The following ZC3H12B variants were observed in gnomAD, a reference collection of about 807,000 sequenced individuals.
The protein encoded by ZC3H12B is zinc finger CCCH-type containing 12B.
A neutral mutation model predicts 43.9 loss-of-function variants in ZC3H12B; 7 were observed. The ratio of observed to expected loss-of-function variants is 0.16; its 90% CI spans 0.09 to 0.30. The LOEUF (loss-of-function observed/expected upper bound fraction) is 0.30, where lower values mean the gene tolerates loss of function less well. Among genes scored for constraint, ZC3H12B ranks in the 10% least tolerant of loss-of-function variants. The pLI, the probability that ZC3H12B is intolerant of heterozygous loss-of-function variation, is 1.00. For missense variants in ZC3H12B, 475 were observed against 670.2 expected (o/e 0.71, Z 3.22); for synonymous variants, 222 against 241.7 (o/e 0.92, Z 0.76).
At chrX:65,245,870 C>T in the ZC3H12B span, among the ~76,000 whole-genome samples, 1 of 109,123 alleles carries the variant, frequency 9.2e-6, no homozygotes, top group Non-Finnish European at 1.9e-5. Flanking sequence ...GACATGTATA[C>T]ATATGTAACA....
the ZC3H12B span, among the ~76,000 whole-genome samples, chrX:65,172,678 G>C: frequency 8.9e-6 from 1 of 112,133 alleles, no homozygotes; most frequent in African/African-American, 3.2e-5. Context: ...TTATTACATA[G>C]GGAATCCTTT....
chrX:65,106,010 T>C, the ZC3H12B span, among the ~76,000 whole-genome samples: 2 of 112,223 alleles, frequency 1.8e-5, no homozygotes, highest in South Asian at 7.4e-4. Flanking sequence ...CTGTTTTATT[T>C]TTTAAAACAA....
intron 1 of ZC3H12B, among the ~76,000 whole-genome samples, chrX:65,367,287 A>G (rs771478923): frequency 9.8e-5 from 11 of 111,857 alleles, no homozygotes; most frequent in African/African-American, 2.9e-4. Flanking sequence ...GCTGCAAATA[A>G]CATGTTTGCT....
At chrX:65,379,603 C>G (rs1244628337) in intron 2 of ZC3H12B, among the ~76,000 whole-genome samples, 1 of 112,592 alleles carries the variant, frequency 8.9e-6, no homozygotes, top group Non-Finnish European at 1.9e-5. Flanking sequence ...CAAAGCTGGA[C>G]AGAGAATGAC....
At chrX:65,243,959 C>T in the ZC3H12B span, among the ~76,000 whole-genome samples, 1 of 111,205 alleles carries the variant, frequency 9.0e-6, no homozygotes, top group Non-Finnish European at 1.9e-5. Context: ...ATGATGCCTA[C>T]CATAGGCTGG....
At chrX:65,152,048 C>G in the ZC3H12B span, among the ~76,000 whole-genome samples, 4 of 111,814 alleles carry the variant, frequency 3.6e-5, no homozygotes, top group African/African-American at 9.8e-5. Context: ...ATGCTAAAAA[C>G]TCTCAATAAA....
At chrX:65,331,341 A>C in the ZC3H12B span, 1 of 111,935 alleles carries the variant, frequency 8.9e-6, no homozygotes, top group African/African-American at 3.3e-5. Context: ...ATTTTCAACA[A>C]GGATGAAATT....
intron 2 of ZC3H12B, among the ~76,000 whole-genome samples, chrX:65,385,113 G>T (rs2066503049): frequency 8.9e-6 from 1 of 112,194 alleles, no homozygotes; most frequent in South Asian, 3.7e-4. Context: ...TTTGGATTAG[G>T]ATTGTCTTGG....
chrX:65,201,568 TA>T, the ZC3H12B span, among the ~76,000 whole-genome samples: 2 of 110,840 alleles, frequency 1.8e-5, no homozygotes. Context: ...TGATCTTGGT[TA>T]TTTTTTTGTC....
At chrX:65,427,189 T>C (rs1163631967) in intron 3 of ZC3H12B, among the ~76,000 whole-genome samples, 4 of 111,959 alleles carry the variant, frequency 3.6e-5, no homozygotes, top group African/African-American at 1.3e-4. Context: ...TCTTGTTGAA[T>C]TGAACTCTTT....
At chrX:65,302,347 A>T in the ZC3H12B span, among the ~76,000 whole-genome samples, 1 of 111,799 alleles carries the variant, frequency 8.9e-6, no homozygotes. Context: ...AATATACAAA[A>T]GTCAATTGCT....
At chrX:65,372,293 C>G (rs1042238403) in intron 2 of ZC3H12B, among the ~76,000 whole-genome samples, 1 of 111,606 alleles carries the variant, frequency 9.0e-6, no homozygotes, top group Non-Finnish European at 1.9e-5. Flanking sequence ...CCTAGTGCTC[C>G]AAAAACATGC....
intron 2 of ZC3H12B, among the ~76,000 whole-genome samples, chrX:65,376,771 A>G (rs2066352592): frequency 9.0e-6 from 1 of 111,520 alleles, no homozygotes. Context: ...GTCCTTTCAA[A>G]TACCCAGAAA....
At chrX:65,052,058 C>T in the ZC3H12B span, among the ~76,000 whole-genome samples, 7 of 110,995 alleles carry the variant, frequency 6.3e-5, no homozygotes, top group Non-Finnish European at 1.1e-4. Flanking sequence ...TTACATGACT[C>T]GGCAGCTGTA....
chrX:65,065,438 A>T, the ZC3H12B span, among the ~76,000 whole-genome samples: 1 of 111,900 alleles, frequency 8.9e-6, no homozygotes, highest in South Asian at 3.7e-4. Context: ...TGGGTTGAAA[A>T]TTCTTTTCTT....
the ZC3H12B span, among the ~76,000 whole-genome samples, chrX:65,330,066 T>G: frequency 9.0e-6 from 1 of 111,479 alleles, no homozygotes; most frequent in South Asian, 3.7e-4. Flanking sequence ...TTTAAAGTAG[T>G]TTTTTCCAAT....
the ZC3H12B span, chrX:65,328,318 C>T: frequency 9.6e-3 from 2,352 of 244,873 alleles, 18 homozygotes; most frequent in Non-Finnish European, 0.015. Flanking sequence ...ACTTCATTAA[C>T]GGCATAGTCA....
chrX:65,261,704 T>C, the ZC3H12B span, among the ~76,000 whole-genome samples: 1 of 111,090 alleles, frequency 9.0e-6, no homozygotes, highest in Non-Finnish European at 1.9e-5. Context: ...AAGCAAAAGA[T>C]TTAAGAAAGG....
intron 2 of ZC3H12B, among the ~76,000 whole-genome samples, chrX:65,372,184 G>A (rs2066253721): frequency 8.9e-6 from 1 of 111,985 alleles, no homozygotes; most frequent in Non-Finnish European, 1.9e-5. Context: ...CCATTAACTT[G>A]CTTATTAGCA....
Sources: gnomAD v4.1 joint callset for allele counts (sites outside exome capture counted in the v4.1 genomes callset) on GRCh38, gnomAD v4.1.1 for gene constraint, MANE v1.5 for transcripts, NCBI Gene and HGNC (gene_info 2026-07-23, HGNC 2026-07-21) for gene names.